The following SMIM31 variants were observed in gnomAD, a reference collection of about 807,000 sequenced individuals.
SMIM31 encodes human epithelial cell program regulator.
At chr4:164,788,202 A>C (rs1445423737) in intron 2 of SMIM31, among the ~76,000 whole-genome samples, 1 of 152,180 alleles carries the variant, frequency 6.6e-6, no homozygotes, top group Non-Finnish European at 1.5e-5. Context: ...GTTTCAGAAA[A>C]GTAGAGAGCT....
intron 2 of SMIM31, among the ~76,000 whole-genome samples, chr4:164,777,523 C>T (rs1732892704): frequency 6.6e-6 from 1 of 152,196 alleles, no homozygotes; most frequent in African/African-American, 2.4e-5. Context: ...CTGCCTGAAT[C>T]ATATTGCTGT....
At chr4:164,781,908 C>A (rs1410061706) in intron 2 of SMIM31, among the ~76,000 whole-genome samples, 2 of 152,172 alleles carry the variant, frequency 1.3e-5, no homozygotes, top group Non-Finnish European at 2.9e-5. Context: ...CGGGGAATTG[C>A]ACAAGCCAGA....
At chr4:164,766,122 T>TC (rs1332451346) in intron 1 of SMIM31, among the ~76,000 whole-genome samples, 2 of 151,752 alleles carry the variant, frequency 1.3e-5, no homozygotes, top group Non-Finnish European at 2.9e-5. Flanking sequence ...GAAACACATC[T>TC]CCCCCGTGAG....
chr4:164,782,788 A>C (rs1732972636), intron 2 of SMIM31, among the ~76,000 whole-genome samples: 1 of 152,156 alleles, frequency 6.6e-6, no homozygotes, highest in South Asian at 2.1e-4. Flanking sequence ...GCAAGGTTTA[A>C]CTAAAGTTCT....
intron 2 of SMIM31, among the ~76,000 whole-genome samples, chr4:164,791,516 G>T (rs1449683808): frequency 1.3e-5 from 2 of 151,966 alleles, no homozygotes; most frequent in African/African-American, 2.4e-5. Flanking sequence ...TAATTTTTAG[G>T]TGGAGATGGG....
chr4:164,787,608 C>G (rs1302270403), intron 2 of SMIM31, among the ~76,000 whole-genome samples: 4 of 149,204 alleles, frequency 2.7e-5, no homozygotes, highest in Non-Finnish European at 5.9e-5. Flanking sequence ...TCCGTCTTCT[C>G]TCTTCCATGA....
chr4:164,782,375 TTA>T (rs201363704), intron 2 of SMIM31, among the ~76,000 whole-genome samples: 11,942 of 133,240 alleles, frequency 0.09, 1,746 homozygotes, highest in African/African-American at 0.35. Context: ...TCTCTTTCTT[TTA>T]TTTTTTTTTT....
intron 2 of SMIM31, among the ~76,000 whole-genome samples, chr4:164,782,972 C>T (rs1005256505): frequency 3.9e-4 from 59 of 152,166 alleles, no homozygotes; most frequent in African/African-American, 1.3e-3. Flanking sequence ...GTAATCCCAG[C>T]ACGTTGGGTG....
chr4:164,758,845 T>C (rs183561253), intron 1 of SMIM31, among the ~76,000 whole-genome samples: 1,892 of 83,944 alleles, frequency 0.023, 81 homozygotes, highest in Non-Finnish European at 0.036. Flanking sequence ...TTTTTTTGTA[T>C]TTTTAGTAGA....
At chr4:164,785,157 C>T (rs954018683) in intron 2 of SMIM31, among the ~76,000 whole-genome samples, 7 of 151,480 alleles carry the variant, frequency 4.6e-5, no homozygotes, top group Admixed American at 2.6e-4. Flanking sequence ...ACCCAGGAGG[C>T]GGAGGTTGCG....
At position 164,788,120 on chromosome 4, in the gene SMIM31, A is replaced by G. The variant is rs1374890884; in HGVS notation, c.113-12971A>G. Among the ~76,000 whole-genome samples, 8 of 152,200 alleles carry G rather than the reference A, an allele frequency of 5.3e-5. No homozygotes were observed. The South Asian group carries it at 6.2e-4, about 12-fold the overall frequency. ...ATAACTTGCTTTTATTGGAAAATAA[A>G]TATCGTCAGCAATCCATTGAACCCA... On this transcript the variant is annotated intron_variant, in intron 2 of 2. Coordinates refer to ENST00000507311, the MANE Select transcript of SMIM31 (RefSeq NM_001352885.1).
At chr4:164,773,643 G>A (rs531434642) in intron 2 of SMIM31, among the ~76,000 whole-genome samples, 60 of 152,264 alleles carry the variant, frequency 3.9e-4, no homozygotes, top group Non-Finnish European at 7.9e-4. Context: ...CACAACACGT[G>A]GGGATTATGA....
chr4:164,780,339 A>C (rs1732932653), intron 2 of SMIM31, among the ~76,000 whole-genome samples: 1 of 152,188 alleles, frequency 6.6e-6, no homozygotes. Context: ...AGGCAGGAGA[A>C]CTGCTTGAAC....
chr4:164,773,151 C>T (rs1579065617), intron 2 of SMIM31, among the ~76,000 whole-genome samples: 1 of 151,324 alleles, frequency 6.6e-6, no homozygotes, highest in South Asian at 2.1e-4. Flanking sequence ...ATAAGGACAT[C>T]CAGGCAAAAG....
intron 2 of SMIM31, among the ~76,000 whole-genome samples, chr4:164,782,601 G>GATCTCCTGACCT (rs1560829245): frequency 1.2e-4 from 17 of 146,778 alleles, no homozygotes; most frequent in African/African-American, 3.8e-4. Flanking sequence ...GGATGGTCTC[G>GATCTCCTGACCT]TGAGCCACTG....
At chr4:164,783,925 A>T (rs947580017) in intron 2 of SMIM31, among the ~76,000 whole-genome samples, 1 of 152,242 alleles carries the variant, frequency 6.6e-6, no homozygotes, top group Non-Finnish European at 1.5e-5. Flanking sequence ...GAAAAAAAGA[A>T]GCAGTTTTCT....
intron 2 of SMIM31, among the ~76,000 whole-genome samples, chr4:164,796,980 G>A (rs6536863): frequency 0.75 from 113,967 of 152,104 alleles, 43,156 homozygotes; most frequent in Non-Finnish European, 0.8. Context: ...TGTCTCTAAG[G>A]CCCTTGACTA....
intron 1 of SMIM31, among the ~76,000 whole-genome samples, chr4:164,764,286 TG>T (rs1239138326): frequency 4.0e-5 from 6 of 151,560 alleles, no homozygotes; most frequent in Non-Finnish European, 5.9e-5. Context: ...GTGGTGGGTG[TG>T]GCAGGGCACA....
chr4:164,783,312 T>C (rs1732983725), intron 2 of SMIM31, among the ~76,000 whole-genome samples: 2 of 149,366 alleles, frequency 1.3e-5, no homozygotes, highest in South Asian at 4.2e-4. Context: ...TCACTTGAGG[T>C]CAGGAATTCA....
Sources: gnomAD v4.1 joint callset for allele counts (sites outside exome capture counted in the v4.1 genomes callset) on GRCh38, gnomAD v4.1.1 for gene constraint, MANE v1.5 for transcripts, NCBI Gene and HGNC (gene_info 2026-07-23, HGNC 2026-07-21) for gene names.